TKTL1: variants seen among roughly 807,000 people sequenced by gnomAD.
TKTL1 encodes the protein transketolase like 1.
TKTL1 carries 1 observed loss-of-function variant against 39.3 expected under a neutral mutation model. The observed-to-expected ratio is 0.03, with a 90% CI of 0.01 to 0.12. The LOEUF (loss-of-function observed/expected upper bound fraction) is 0.12, where lower values mean the gene tolerates loss of function less well. TKTL1 is among the 10% of genes least tolerant of loss of function. The probability of loss-of-function intolerance (pLI) is 1.00; values close to 1 mark genes in which losing one functional copy is unlikely to be tolerated. For synonymous variants in TKTL1, 262 were observed against 193.8 expected (o/e 1.35, Z -2.92); for missense variants, 575 against 509.6 (o/e 1.13, Z -1.24).
At chrX:154,300,347 T>C (rs1569550755) in intron 1 of TKTL1, among the ~76,000 whole-genome samples, 1 of 112,558 alleles carries the variant, frequency 8.9e-6, no homozygotes, top group Admixed American at 9.4e-5. Context: ...GCATTGAATC[T>C]GTAGATTGCT....
rs1861634086 is a variant in TKTL1 at position 154,315,203 on chromosome X, C to G, written c.895C>G (p.Leu299Val). ...TACTCGGAAAGCATGCGGTCTGGCT[C>G]TGGCTAAGCTGGGCTACGCGAACAA... is the stretch of plus-strand genomic sequence containing the variant. ...IATRKACGLA[L>V]AKLGYANNRV... The change falls in exon 7 of 13, where the codon CTG (leucine) becomes GTG (valine). Residue 299 changes from leucine to valine, a missense_variant. Physicochemically the swap from Leu to Val is conservative, Grantham distance 32. Transcript: ENST00000369915. 8.3e-6 allele frequency: 10 copies of G among 1,211,536 alleles called. No individual in the cohort carries two copies. The highest frequency in any genetic ancestry group is 3.0e-5 in the East Asian group (1 of 33,852).
At chrX:154,323,952 C>T (rs952561039) in intron 9 of TKTL1, among the ~76,000 whole-genome samples, 45 of 112,876 alleles carry the variant, frequency 4.0e-4, no homozygotes, top group Admixed American at 3.5e-3. Flanking sequence ...TTCCCACTAA[C>T]GTTCAGCAGG....
intron 1 of TKTL1, among the ~76,000 whole-genome samples, chrX:154,302,446 T>C (rs1230631936): frequency 2.7e-5 from 3 of 111,231 alleles, no homozygotes; most frequent in Admixed American, 1.9e-4. Context: ...TGGTCAGTTC[T>C]GGCGAGGACC....
chrX:154,311,148 G>A lies in TKTL1; in HGVS notation c.580G>A (p.Ala194Thr). Residue 194 changes from alanine (A) to threonine (T), a missense_variant, in exon 5 of 13, where the codon GCA becomes ACA. Ala to Thr is a moderately conservative substitution (Grantham distance 58). Transcript: ENST00000369915. Reference sequence around the variant, plus strand: ...TGTGGTGGACGGCCGGGACGTGGAGGCACTGTGCCAGGTATTCTGGCAGGC... The same window carrying A: ...TGTGGTGGACGGCCGGGACGTGGAGACACTGTGCCAGGTATTCTGGCAGGC... ...TYVVDGRDVEALCQVFWQASQ... is the reference protein window; with the variant it reads ...TYVVDGRDVETLCQVFWQASQ... 1 of 1,212,104 alleles carries A rather than the reference G, an allele frequency of 8.3e-7. No individual in the cohort carries two copies. Among genetic ancestry groups the A allele is most frequent in the Non-Finnish European group, 1.1e-6 (1 of 895,565 alleles).
In TKTL1 at chrX:154,330,110, C is replaced by CT. The variant is rs2067526380; in HGVS notation, c.*423dup. Reference sequence around the variant, plus strand: ...GGATTGAAGTATAGATTCCAGTAGCCTAGTTTCCACAGCACGATAACACCA... The same window carrying CT: ...GGATTGAAGTATAGATTCCAGTAGCCTTAGTTTCCACAGCACGATAACACCA... On this transcript the variant is annotated 3_prime_UTR_variant, in exon 13 of 13. Coordinates refer to ENST00000369915, the MANE Select transcript of TKTL1 (RefSeq NM_012253.4). The CT allele has an allele frequency of 8.6e-6, 1 of 116,840 alleles. No homozygotes were observed. The highest frequency in any genetic ancestry group is 1.8e-5 in the Non-Finnish European group (1 of 56,450). 9.6% of individuals were successfully genotyped at this position (116,840 alleles called of 1,213,427 possible).
chrX:154,324,996 C>T (rs999044438), intron 9 of TKTL1, among the ~76,000 whole-genome samples: 6 of 111,862 alleles, frequency 5.4e-5, no homozygotes, highest in African/African-American at 1.6e-4. Context: ...GTTATTGTGG[C>T]AAAAGTTAAT....
In TKTL1 at chrX:154,309,336, C is replaced by T; in HGVS notation, c.253-9C>T. The T allele has an allele frequency of 8.3e-7, 1 of 1,207,809 alleles. No individual in the cohort carries two copies. Among genetic ancestry groups the T allele is most frequent in the South Asian group, 1.8e-5 (1 of 56,924 alleles). ...TGCGTCTGGGCTCACTGGGTCCCTT[C>T]TCTTACAGAGACTGTCGTTTGTGGA... is the stretch of plus-strand genomic sequence containing the variant. On this transcript the variant is annotated splice_polypyrimidine_tract_variant and intron_variant, in intron 2 of 12. Transcript: ENST00000369915.
intron 1 of TKTL1, 54 bp downstream of exon 1, chrX:154,296,047 T>G: frequency 1.7e-6 from 2 of 1,185,216 alleles, no homozygotes; most frequent in South Asian, 3.7e-5. Flanking sequence ...CCCGGTGGCT[T>G]CAGGCCTGGT....
chrX:154,312,198 C>T (rs1417936213), intron 5 of TKTL1, among the ~76,000 whole-genome samples: 2 of 112,539 alleles, frequency 1.8e-5, no homozygotes, highest in Non-Finnish European at 3.8e-5. Flanking sequence ...TATTCTCATT[C>T]TCCCTTCCAC....
At chrX:154,312,880 A>T in intron 6 of TKTL1, 107 bp downstream of exon 6, 2 of 755,699 alleles carry the variant, frequency 2.6e-6, no homozygotes, top group Non-Finnish European at 3.8e-6. Flanking sequence ...GTCTCCATGG[A>T]CGAACCAATT....
intron 1 of TKTL1, among the ~76,000 whole-genome samples, chrX:154,298,545 C>G (rs1557165171): frequency 8.9e-6 from 1 of 111,866 alleles, no homozygotes; most frequent in African/African-American, 3.3e-5. Flanking sequence ...AACCCCGTCT[C>G]TGCCAAAAAT....
At chrX:154,322,004 G>C (rs2067454865) in intron 8 of TKTL1, among the ~76,000 whole-genome samples, 1 of 110,374 alleles carries the variant, frequency 9.1e-6, no homozygotes, top group Admixed American at 9.7e-5. Flanking sequence ...ATCCAAAGAA[G>C]AACTGGAAGG....
At chrX:154,322,532 AAATAAT>A (rs1186907371) in intron 8 of TKTL1, among the ~76,000 whole-genome samples, 47 of 111,318 alleles carry the variant, frequency 4.2e-4, no homozygotes, top group Non-Finnish European at 7.0e-4. Flanking sequence ...CTCTGTCTCA[AAATAAT>A]AATAGTTAAT....
At chrX:154,298,784 C>T (rs368149885) in intron 1 of TKTL1, among the ~76,000 whole-genome samples, 24 of 111,364 alleles carry the variant, frequency 2.2e-4, no homozygotes, top group Non-Finnish European at 9.4e-5. Flanking sequence ...TTCCTTTCTC[C>T]TGCTAGCTTT....
intron 12 of TKTL1, among the ~76,000 whole-genome samples, chrX:154,328,937 C>T (rs1307797047): frequency 8.9e-6 from 1 of 112,485 alleles, no homozygotes; most frequent in Non-Finnish European, 1.9e-5. Flanking sequence ...AAGGGGCATA[C>T]TGAGAAGTGC....
At chrX:154,300,162 C>G (rs1287254461) in intron 1 of TKTL1, among the ~76,000 whole-genome samples, 1 of 111,044 alleles carries the variant, frequency 9.0e-6, no homozygotes, top group African/African-American at 3.3e-5. Context: ...ACTACAGGCA[C>G]ACGCCACCAC....
chrX:154,308,981 G>A (rs2067335365), intron 2 of TKTL1, among the ~76,000 whole-genome samples: 1 of 110,909 alleles, frequency 9.0e-6, no homozygotes, highest in African/African-American at 3.3e-5. Flanking sequence ...CATACTTTAC[G>A]TTTTCTGCTT....
intron 10 of TKTL1, among the ~76,000 whole-genome samples, chrX:154,326,907 C>T (rs1171453427): frequency 2.7e-5 from 3 of 112,170 alleles, no homozygotes; most frequent in Non-Finnish European, 5.6e-5. Flanking sequence ...CCAGGACATC[C>T]TTAAAGAATG....
At chrX:154,312,991 A>G (rs1331691585) in intron 6 of TKTL1, among the ~76,000 whole-genome samples, 1 of 111,783 alleles carries the variant, frequency 8.9e-6, no homozygotes, top group Non-Finnish European at 1.9e-5. Flanking sequence ...TGTCACGTGG[A>G]TAGATACTGT....
Sources: gnomAD v4.1 joint callset for allele counts (sites outside exome capture counted in the v4.1 genomes callset) on GRCh38, gnomAD v4.1.1 for gene constraint, MANE v1.5 for transcripts, NCBI Gene and HGNC (gene_info 2026-07-23, HGNC 2026-07-21) for gene names.